The following LYZL1 variants were observed in gnomAD, a reference collection of about 807,000 sequenced individuals.
LYZL1 encodes lysozyme like 1, also known as lysozyme-like protein 1.
Under a neutral mutation model 17.9 loss-of-function variants are expected in LYZL1, and 16 were observed. The observed-to-expected ratio is 0.90, with a 90% CI of 0.61 to 1.36. The LOEUF (loss-of-function observed/expected upper bound fraction) is 1.36, where lower values mean the gene tolerates loss of function less well. Ranked by LOEUF, LYZL1 falls within the 40% of genes most tolerant of loss-of-function variation. The pLI, the probability that LYZL1 is intolerant of heterozygous loss-of-function variation, is 0.00. For synonymous variants in LYZL1, 58 were observed against 71.8 expected (o/e 0.81, Z 0.97); for missense variants, 149 against 188.4 (o/e 0.79, Z 1.22).
intron 3 of LYZL1, among the ~76,000 whole-genome samples, chr10:29,308,665 T>C (rs1302744634): frequency 6.6e-6 from 1 of 152,196 alleles, no homozygotes; most frequent in Non-Finnish European, 1.5e-5. Flanking sequence ...TCTGAAGCAA[T>C]AGAAAATGTA....
downstream of LYZL1, among the ~76,000 whole-genome samples, chr10:29,312,110 G>A (rs1481411942): frequency 1.3e-5 from 2 of 152,158 alleles, no homozygotes; most frequent in Non-Finnish European, 2.9e-5. Flanking sequence ...GGCAAGTCTG[G>A]GCAACATAGC....
rs1375570245 is a variant in LYZL1, at chr10:29,292,522, T to A, written c.143T>A (p.Ile48Asn). ...TTTCTGGCTTTCCCCCCTCCAGGGATCTGCATGGCATATTATGAGAGCGGC... is the reference window on the plus strand; with the variant it reads ...TTTCTGGCTTTCCCCCCTCCAGGGAACTGCATGGCATATTATGAGAGCGGC... ...NYWGFSLGNW[I>N]CMAYYESGYN... The change falls in exon 3 of 5, where the codon ATC (isoleucine) becomes AAC (asparagine). Residue 48 changes from isoleucine to asparagine, a missense_variant. Around this residue, in one of 2 missense-constraint regions of LYZL1, gnomAD observed 130 missense variants for 132.5 expected, o/e 0.98. Coordinates refer to ENST00000649382, the MANE Select transcript of LYZL1 (RefSeq NM_032517.6). The A allele has an allele frequency of 6.2e-7, 1 of 1,613,660 alleles. No individual in the cohort carries two copies. Among genetic ancestry groups the A allele is most frequent in the Non-Finnish European group, 8.5e-7 (1 of 1,179,912 alleles).
intron 4 of LYZL1, chr10:29,318,056 A>T: frequency 1.9e-6 from 1 of 533,508 alleles, no homozygotes; most frequent in Non-Finnish European, 2.4e-6. Flanking sequence ...AGGATAAACT[A>T]CATTTTAATG....
At chr10:29,314,291 CCA>C (rs373285930), downstream of LYZL1, among the ~76,000 whole-genome samples, 354 of 152,290 alleles carry the variant, frequency 2.3e-3, 1 homozygote, top group African/African-American at 8.2e-3. Flanking sequence ...GAGGCCTGGA[CCA>C]TGTCCTTCAC....
At chr10:29,316,198 T>C (rs565903135), downstream of LYZL1, among the ~76,000 whole-genome samples, 3 of 152,336 alleles carry the variant, frequency 2.0e-5, no homozygotes, top group East Asian at 5.8e-4. Context: ...GGAAGGCAGC[T>C]TCACAGCACT....
downstream of LYZL1, among the ~76,000 whole-genome samples, chr10:29,313,844 C>A (rs1268429557): frequency 6.6e-6 from 1 of 152,226 alleles, no homozygotes; most frequent in Non-Finnish European, 1.5e-5. Flanking sequence ...GCCACATTAT[C>A]TGCTGGTTAC....
intron 3 of LYZL1, among the ~76,000 whole-genome samples, chr10:29,294,134 G>A (rs766319844): frequency 1.3e-4 from 20 of 152,110 alleles, no homozygotes; most frequent in Non-Finnish European, 2.4e-4. Context: ...GTGGGAAGGT[G>A]TGAAGCATGA....
At chr10:29,290,228 G>T (rs571836577) in intron 1 of LYZL1, among the ~76,000 whole-genome samples, 1 of 152,180 alleles carries the variant, frequency 6.6e-6, no homozygotes, top group African/African-American at 2.4e-5. Flanking sequence ...TCAGGATCCC[G>T]AGTAGTTGTC....
downstream of LYZL1, among the ~76,000 whole-genome samples, chr10:29,311,872 G>A (rs888181515): frequency 1.3e-5 from 2 of 152,080 alleles, no homozygotes; most frequent in Admixed American, 6.5e-5. Flanking sequence ...CAGCTACTCG[G>A]GAGGCTGAGG....
In LYZL1 at chr10:29,291,697, C is replaced by T. The variant is rs538752058; in HGVS notation, c.-25-146C>T. 4.3e-4 allele frequency: 451 copies of T among 1,048,792 alleles called. 8 individuals are homozygous for T. Among genetic ancestry groups the T allele is most frequent in the Middle Eastern group, 3.2e-3 (10 of 3,168 alleles). 65.0% of individuals were successfully genotyped at this position (1,048,792 alleles called of 1,614,324 possible). On this transcript the variant is annotated intron_variant, in intron 1 of 4. Coordinates refer to ENST00000649382, the MANE Select transcript of LYZL1 (RefSeq NM_032517.6). ...CTTCAGTTGCCTTCCTTCCCTGGAC[C>T]GTAGAGTGGCCGGTTTTCCCTGATG... is the stretch of plus-strand genomic sequence containing the variant.
chr10:29,296,345 C>CCAACAA (rs373599699), intron 3 of LYZL1, among the ~76,000 whole-genome samples: 3 of 151,916 alleles, frequency 2.0e-5, no homozygotes, highest in East Asian at 1.9e-4. Flanking sequence ...AAACACAGAA[C>CCAACAA]CAACAACAAC....
chr10:29,309,652 C>T (rs761616733), intron 3 of LYZL1, among the ~76,000 whole-genome samples: 17 of 151,962 alleles, frequency 1.1e-4, no homozygotes, highest in Non-Finnish European at 2.5e-4. Context: ...GTACACCATC[C>T]CACCTGGCTA....
chr10:29,302,507 T>G (rs1835533892), intron 3 of LYZL1, among the ~76,000 whole-genome samples: 1 of 152,218 alleles, frequency 6.6e-6, no homozygotes, highest in Non-Finnish European at 1.5e-5. Context: ...TGGGCGGTCC[T>G]CTTCGTGCAT....
chr10:29,312,038 G>A (rs535014263), downstream of LYZL1, among the ~76,000 whole-genome samples: 5 of 152,272 alleles, frequency 3.3e-5, no homozygotes, highest in African/African-American at 4.8e-5. Flanking sequence ...AGTGGCTCAC[G>A]CTTGTAATCC....
intron 1 of LYZL1, 100 bp from the exon 2 acceptor site, chr10:29,291,743 T>G: frequency 1.5e-6 from 2 of 1,366,130 alleles, no homozygotes; most frequent in South Asian, 1.4e-5. Flanking sequence ...ATGACCAAAG[T>G]GACAGGCAGC....
At chr10:29,314,927 G>C (rs1835712293), downstream of LYZL1, among the ~76,000 whole-genome samples, 1 of 152,158 alleles carries the variant, frequency 6.6e-6, no homozygotes, top group Non-Finnish European at 1.5e-5. Context: ...ACGTGTCCTA[G>C]TTCCTTTACG....
intron 3 of LYZL1, among the ~76,000 whole-genome samples, chr10:29,307,941 C>G (rs61379662): frequency 3.3e-5 from 5 of 152,126 alleles, no homozygotes; most frequent in African/African-American, 1.2e-4. Flanking sequence ...TATACGCCCA[C>G]GAGCAAGTAT....
chr10:29,289,083 T>C lies in LYZL1; in HGVS notation c.-173T>C. 1 of 1,532,738 alleles carries C rather than the reference T, an allele frequency of 6.5e-7. No homozygotes were observed. The highest frequency in any genetic ancestry group is 8.8e-7 in the Non-Finnish European group (1 of 1,134,206). 94.9% of individuals were successfully genotyped at this position (1,532,738 alleles called of 1,614,324 possible). A position where few individuals can be genotyped will look rare whatever the true frequency, so the allele number is the denominator to read the frequency against. ...TGTTCTTGAGCTAGGAAAGGATTAC[T>C]CGCGCCTCGTTAGAATCAGACATGG... On this transcript the variant is annotated 5_prime_UTR_variant, in exon 1 of 5. Coordinates refer to ENST00000649382, the MANE Select transcript of LYZL1 (RefSeq NM_032517.6).
intron 1 of LYZL1, among the ~76,000 whole-genome samples, chr10:29,289,760 C>T (rs1231141932): frequency 6.6e-6 from 1 of 152,152 alleles, no homozygotes; most frequent in African/African-American, 2.4e-5. Flanking sequence ...TCCCTCACAG[C>T]TTAACACAGT....
Sources: gnomAD v4.1 joint callset for allele counts (sites outside exome capture counted in the v4.1 genomes callset) on GRCh38, gnomAD v4.1.1 for gene constraint, gnomAD v4.1.1 regional missense constraint, MANE v1.5 for transcripts, NCBI Gene and HGNC (gene_info 2026-07-23, HGNC 2026-07-21) for gene names.